Variants in NCOA1 observed in about 807,000 individuals in gnomAD.
NCOA1 encodes the protein Hin-2 protein.
Under a neutral mutation model 150.9 loss-of-function variants are expected in NCOA1, and 35 were observed. That is an observed-to-expected ratio of 0.23 (90% CI 0.18 to 0.31). NCOA1 has a LOEUF of 0.31. Among genes scored for constraint, NCOA1 ranks in the 10% least tolerant of loss-of-function variants. The pLI, the probability that NCOA1 is intolerant of heterozygous loss-of-function variation, is 1.00. For synonymous variants in NCOA1, 590 were observed against 630.0 expected, an observed-to-expected ratio of 0.94 and a Z score of 0.95; for missense variants, 1,491 against 1,749.3, an observed-to-expected ratio of 0.85 and a Z score of 2.63.
chr2:24,695,919 C>T (rs1672880886), intron 10 of NCOA1, among the ~76,000 whole-genome samples: 1 of 152,166 alleles, frequency 6.6e-6, no homozygotes, highest in Non-Finnish European at 1.5e-5. Flanking sequence ...CATGCATATG[C>T]CTCCCTTAGT....
chr2:24,725,185 G>A (rs995047979), intron 14 of NCOA1, among the ~76,000 whole-genome samples: 4 of 151,912 alleles, frequency 2.6e-5, no homozygotes, highest in Non-Finnish European at 4.4e-5. Flanking sequence ...TCATTCATTC[G>A]AATGAGAAAT....
rs144520353 is a variant in NCOA1, at chr2:24,764,447, G to T, written c.4155+1671G>T. ...CACAAGAGCATTTTTGCAAGAGATA[G>T]AGCTGAGCTGAGCCTTGAAGGACAG... On this transcript the variant is annotated intron_variant, in intron 22 of 22. Coordinates refer to ENST00000348332, the MANE Select transcript of NCOA1 (RefSeq NM_003743.5). Among the ~76,000 whole-genome samples the T allele has an allele frequency of 1.4e-4, 21 of 152,336 alleles. No homozygotes were observed. The East Asian group carries it at 3.7e-3, about 27-fold the overall frequency.
chr2:24,759,007 A>G (rs942554442), intron 21 of NCOA1, among the ~76,000 whole-genome samples: 4 of 152,114 alleles, frequency 2.6e-5, no homozygotes, highest in Admixed American at 2.6e-4. Flanking sequence ...AAACAAACAA[A>G]AAAACAGTAC....
At chr2:24,739,625 G>C in intron 18 of NCOA1, 92 bp downstream of exon 18, 1 of 879,218 alleles carries the variant, frequency 1.1e-6, no homozygotes, top group Non-Finnish European at 1.8e-6. Flanking sequence ...AATGGTCTGT[G>C]AGCTGATCTT....
intron 21 of NCOA1, among the ~76,000 whole-genome samples, chr2:24,761,995 G>A (rs973513300): frequency 6.6e-6 from 1 of 152,228 alleles, no homozygotes; most frequent in Non-Finnish European, 1.5e-5. Flanking sequence ...TTAGTACTGA[G>A]CTTCAGACTT....
intron 5 of NCOA1, among the ~76,000 whole-genome samples, chr2:24,660,431 T>G (rs529938990): frequency 6.6e-6 from 1 of 152,166 alleles, no homozygotes; most frequent in Admixed American, 6.5e-5. Flanking sequence ...GTCTGCAGTA[T>G]TTTAATCTAT....
intron 5 of NCOA1, among the ~76,000 whole-genome samples, chr2:24,659,397 A>G (rs1671083268): frequency 6.6e-6 from 1 of 152,206 alleles, no homozygotes; most frequent in South Asian, 2.1e-4. Context: ...TGTTATAAGG[A>G]ATATGACCAC....
intron 8 of NCOA1, among the ~76,000 whole-genome samples, chr2:24,686,455 G>A (rs746718892): frequency 1.3e-5 from 2 of 152,168 alleles, no homozygotes; most frequent in African/African-American, 4.8e-5. Flanking sequence ...CATATGGTGA[G>A]TTAAGAAAGG....
intron 3 of NCOA1, among the ~76,000 whole-genome samples, chr2:24,621,942 AC>A (rs1234907172): frequency 1.3e-5 from 2 of 152,266 alleles, no homozygotes; most frequent in African/African-American, 4.8e-5. Flanking sequence ...CTGTTAGCTG[AC>A]TGTCAGGTTC....
chr2:24,733,749 CAA>C (rs979060750), intron 17 of NCOA1, among the ~76,000 whole-genome samples: 3 of 141,282 alleles, frequency 2.1e-5, no homozygotes. Context: ...ATCTCAAAAA[CAA>C]AACAAAACAA....
At chr2:24,600,057 T>C (rs1176182494) in intron 3 of NCOA1, among the ~76,000 whole-genome samples, 1 of 152,198 alleles carries the variant, frequency 6.6e-6, no homozygotes, top group Non-Finnish European at 1.5e-5. Context: ...GCCTTAGTCC[T>C]ATTATATAAA....
At chr2:24,539,798 A>G (rs1665315102) in intron 1 of NCOA1, among the ~76,000 whole-genome samples, 1 of 152,198 alleles carries the variant, frequency 6.6e-6, no homozygotes, top group South Asian at 2.1e-4. Flanking sequence ...CACTCATACC[A>G]TAGGTAAGAG....
At chr2:24,663,590 A>G (rs1252531386) in intron 5 of NCOA1, among the ~76,000 whole-genome samples, 1 of 152,356 alleles carries the variant, frequency 6.6e-6, no homozygotes, top group South Asian at 2.1e-4. Flanking sequence ...GAATGGTAAT[A>G]AAAGGGATTC....
intron 6 of NCOA1, among the ~76,000 whole-genome samples, chr2:24,668,642 T>A (rs565781606): frequency 2.3e-4 from 35 of 152,226 alleles, no homozygotes; most frequent in Middle Eastern, 6.8e-3. Flanking sequence ...ATAGTAAAGC[T>A]AGAAAGAAGG....
intron 22 of NCOA1, among the ~76,000 whole-genome samples, chr2:24,765,191 G>C (rs1044690466): frequency 1.3e-5 from 2 of 151,204 alleles, no homozygotes; most frequent in Admixed American, 1.3e-4. Flanking sequence ...AAAAAAAAGA[G>C]AGAGAGAGAG....
Position 24,768,978 on chromosome 2 carries a change from T to C in NCOA1, c.*587T>C, listed in dbSNP as rs1278274833. The C allele has an allele frequency of 1.4e-5, 3 of 213,180 alleles. No individual in the cohort carries two copies. The highest frequency in any genetic ancestry group is 1.2e-4 in the Admixed American group (2 of 17,022). 13.2% of individuals were successfully genotyped at this position (213,180 alleles called of 1,614,324 possible). ...ACATATGTACCCCTTCTCCTTTTTT[T>C]AAAGATGGATTTAAACCAAGATGCC... On this transcript the variant is annotated 3_prime_UTR_variant, in exon 23 of 23. Transcript: ENST00000348332.
chr2:24,675,179 AACATATAC>A (rs1330860546), intron 7 of NCOA1, among the ~76,000 whole-genome samples: 2 of 152,150 alleles, frequency 1.3e-5, no homozygotes, highest in African/African-American at 2.4e-5. Flanking sequence ...TTGTCTATAT[AACATATAC>A]ACATATATGT....
intron 3 of NCOA1, among the ~76,000 whole-genome samples, chr2:24,638,180 CTTTT>C (rs544369191): frequency 2.2e-5 from 2 of 89,508 alleles, no homozygotes; most frequent in Non-Finnish European, 4.6e-5. Context: ...ATGAGATCAA[CTTTT>C]TTTTTTTTTT....
intron 5 of NCOA1, among the ~76,000 whole-genome samples, chr2:24,663,808 A>G (rs1480253733): frequency 1.3e-5 from 2 of 152,074 alleles, no homozygotes; most frequent in Admixed American, 6.5e-5. Flanking sequence ...CATTACTTTT[A>G]GCTTCTTGCT....
Sources: allele counts gnomAD v4.1 joint callset (sites outside exome capture counted in the v4.1 genomes callset), GRCh38; gene constraint gnomAD v4.1.1; transcripts MANE v1.5; gene names NCBI Gene and HGNC (gene_info 2026-07-23, HGNC 2026-07-21).